The following UGT2B15 variants were observed in gnomAD, a reference collection of about 807,000 sequenced individuals.
The protein encoded by UGT2B15 is UDP glucuronosyltransferase family 2 member B15.
UGT2B15 carries 36 observed loss-of-function variants against 45.9 expected under a neutral mutation model. That is an observed-to-expected ratio of 0.78 (90% confidence interval 0.60 to 1.04). The LOEUF is 1.04. Ranked by LOEUF, UGT2B15 falls within the 50% of genes least tolerant of loss-of-function variation. The pLI is 0.00. For missense variants in UGT2B15, 617 were observed against 622.4 expected, an observed-to-expected ratio of 0.99 and a Z score of 0.09; for synonymous variants, 219 against 216.4, an observed-to-expected ratio of 1.01 and a Z score of -0.11.
At chr4:68,657,828 C>T (rs1167252766) in intron 3 of UGT2B15, among the ~76,000 whole-genome samples, 1 of 152,042 alleles carries the variant, frequency 6.6e-6, no homozygotes, top group African/African-American at 2.4e-5. Flanking sequence ...TTTTTTATCT[C>T]ATGGCTAAAG....
chr4:68,662,270 G>A (rs182404941), intron 3 of UGT2B15, among the ~76,000 whole-genome samples: 35 of 152,044 alleles, frequency 2.3e-4, no homozygotes, highest in African/African-American at 7.7e-4. Flanking sequence ...CATAGTCTTT[G>A]TTGGGCCACA....
intron 1 of UGT2B15, among the ~76,000 whole-genome samples, chr4:68,668,656 A>C (rs1733211970): frequency 7.3e-6 from 1 of 137,722 alleles, no homozygotes; most frequent in African/African-American, 2.6e-5. Flanking sequence ...GAGATCTGAT[A>C]GTTTTATAAG....
chr4:68,662,396 T>C (rs896105553), intron 3 of UGT2B15, among the ~76,000 whole-genome samples: 6 of 151,510 alleles, frequency 4.0e-5, no homozygotes, highest in African/African-American at 1.5e-4. Flanking sequence ...CAAGTTTTTT[T>C]TTTTTTTCTC....
At chr4:68,650,414 C>A (rs1276604345) in intron 5 of UGT2B15, among the ~76,000 whole-genome samples, 1 of 152,010 alleles carries the variant, frequency 6.6e-6, no homozygotes, top group African/African-American at 2.4e-5. Flanking sequence ...GTTTTCTGTT[C>A]CTGTGTTAGT....
chr4:68,666,553 C>A (rs1334910463), intron 2 of UGT2B15, among the ~76,000 whole-genome samples: 2 of 151,808 alleles, frequency 1.3e-5, no homozygotes, highest in African/African-American at 4.8e-5. Context: ...GTCATGATTG[C>A]TTAAACTCAT....
At chr4:68,662,636 G>A (rs1446894184) in intron 3 of UGT2B15, among the ~76,000 whole-genome samples, 7 of 151,958 alleles carry the variant, frequency 4.6e-5, no homozygotes, top group Non-Finnish European at 1.0e-4. Context: ...AAATTTAACT[G>A]CTTTTTGATA....
In UGT2B15 at chr4:68,669,967, T is replaced by C; in HGVS notation, c.652A>G (p.Met218Val). The C allele has an allele frequency of 6.2e-7, 1 of 1,613,816 alleles. No homozygotes were observed. The highest frequency in any genetic ancestry group is 8.5e-7 in the Non-Finnish European group (1 of 1,179,922). The change falls in exon 1 of 6, where the codon ATG (methionine) becomes GTG (valine). Residue 218 changes from methionine to valine, a missense_variant. Transcript: ENST00000338206. ...FMERIKNMIHMLYFDFWFQIY... is the reference protein window; with the variant it reads ...FMERIKNMIHVLYFDFWFQIY... ...TGAAACCAAAAGTCAAAATAAAGCA[T>C]ATGTATCATATTTTTTATCCTCTCC...
intron 1 of UGT2B15, 22 bp from the exon 2 acceptor site, chr4:68,668,210 A>G (rs1160787621): frequency 1.2e-6 from 2 of 1,606,090 alleles, no homozygotes; most frequent in East Asian, 2.2e-5. Flanking sequence ...AAACAAAACA[A>G]AACAAAAGGT....
chr4:68,664,414 C>T (rs367877943), intron 2 of UGT2B15, among the ~76,000 whole-genome samples: 19 of 152,052 alleles, frequency 1.2e-4, no homozygotes, highest in African/African-American at 4.6e-4. Context: ...TAATGACCAA[C>T]CCCTTCTGTC....
chr4:68,655,259 A>G, intron 3 of UGT2B15, 77 bp from the exon 4 acceptor site: 8 of 1,502,652 alleles, frequency 5.3e-6, no homozygotes, highest in Non-Finnish European at 7.4e-6. Flanking sequence ...TGAAGAGATT[A>G]ATAATCAGTT....
At chr4:68,654,311 T>C (rs1732742087) in intron 4 of UGT2B15, 55 bp from the exon 5 acceptor site, 1 of 1,576,776 alleles carries the variant, frequency 6.3e-7, no homozygotes, top group Admixed American at 1.7e-5. Context: ...GAGAATTGAA[T>C]AAGAAATGCA....
intron 2 of UGT2B15, among the ~76,000 whole-genome samples, chr4:68,666,620 A>G (rs1389453903): frequency 6.6e-6 from 1 of 151,900 alleles, no homozygotes. Context: ...GCAATATTAT[A>G]CATTGGGAAT....
intron 3 of UGT2B15, among the ~76,000 whole-genome samples, chr4:68,655,713 A>G (rs371733886): frequency 6.6e-5 from 10 of 152,156 alleles, no homozygotes; most frequent in African/African-American, 2.4e-4. Flanking sequence ...GACCGAACAA[A>G]TGTTCATCTT....
chr4:68,660,695 G>C (rs1732938134), intron 3 of UGT2B15, among the ~76,000 whole-genome samples: 1 of 151,916 alleles, frequency 6.6e-6, no homozygotes. Context: ...CTACAGTTTG[G>C]ACTGAATTCT....
At chr4:68,647,526 A>G (rs1732517959) in intron 5 of UGT2B15, 143 bp from the exon 6 acceptor site, 2 of 1,079,798 alleles carry the variant, frequency 1.9e-6, no homozygotes, top group Non-Finnish European at 1.3e-6. Flanking sequence ...CAATGTTTTA[A>G]TTCATGTCAT....
Position 68,647,297 on chromosome 4 carries a change from A to C in UGT2B15, c.1400T>G (p.Phe467Cys), listed in dbSNP as rs1202853088. Residue 467 changes from phenylalanine (F) to cysteine (C), a missense_variant, in exon 6 of 6, where the codon TTT (phenylalanine) becomes TGT (cysteine). Coordinates refer to ENST00000338206, the MANE Select transcript of UGT2B15 (RefSeq NM_001076.4). ...CTTGGCTCCTTTGTGGCGCATGACA[A>C]ACTCAATCCAGAAGACTGCTCGATC... is the stretch of plus-strand genomic sequence containing the variant. The part of the protein sequence containing the change: ...PLDRAVFWIE[F>C]VMRHKGAKHL... The C allele has an allele frequency of 1.9e-6, 3 of 1,613,940 alleles. No homozygotes were observed. The highest frequency in any genetic ancestry group is 2.5e-6 in the Non-Finnish European group (3 of 1,179,876).
chr4:68,653,607 G>A (rs1160355990), intron 5 of UGT2B15, among the ~76,000 whole-genome samples: 1 of 151,826 alleles, frequency 6.6e-6, no homozygotes, highest in African/African-American at 2.4e-5. Flanking sequence ...TTTAGTGAAT[G>A]TTATGCTATG....
In UGT2B15 at chr4:68,647,070, C is replaced by G. The variant is rs1168022811; in HGVS notation, c.*34G>C. The G allele has an allele frequency of 1.9e-6, 3 of 1,586,646 alleles. No individual in the cohort carries two copies. Among genetic ancestry groups the G allele is most frequent in the South Asian group, 2.3e-5 (2 of 86,390 alleles). Reference sequence around the variant, plus strand: ...TGCTGAAATAAAGGAGGAGTCCCATCTTTCAGTCATTCCACTTCAGGCTTT... The same window carrying G: ...TGCTGAAATAAAGGAGGAGTCCCATGTTTCAGTCATTCCACTTCAGGCTTT... On this transcript the variant is annotated 3_prime_UTR_variant, in exon 6 of 6. Transcript: ENST00000338206.
chr4:68,661,107 C>T (rs1346014946), intron 3 of UGT2B15, among the ~76,000 whole-genome samples: 1 of 151,938 alleles, frequency 6.6e-6, no homozygotes, highest in East Asian at 1.9e-4. Flanking sequence ...AGATGAAAAC[C>T]TGAGACCAGA....
Sources: gnomAD v4.1 joint callset for allele counts (sites outside exome capture counted in the v4.1 genomes callset) on GRCh38, gnomAD v4.1.1 for gene constraint, MANE v1.5 for transcripts, NCBI Gene and HGNC (gene_info 2026-07-23, HGNC 2026-07-21) for gene names.